The following RAD51B variants were observed in gnomAD, a reference collection of about 807,000 sequenced individuals.
The protein encoded by RAD51B is DNA repair protein RAD51 homolog 2.
A neutral mutation model predicts 42.2 loss-of-function variants in RAD51B; 38 were observed. The observed-to-expected ratio is 0.90, with a 90% confidence interval of 0.70 to 1.18. The LOEUF is 1.18. Ranked by LOEUF, RAD51B falls within the 50% of genes most tolerant of loss-of-function variation. The pLI is 0.00. For synonymous variants in RAD51B, 154 were observed against 145.2 expected, an observed-to-expected ratio of 1.06 and a Z score of -0.43; for missense variants, 373 against 400.7, an observed-to-expected ratio of 0.93 and a Z score of 0.59.
intron 7 of RAD51B, among the ~76,000 whole-genome samples, chr14:68,142,857 A>G (rs1299435649): frequency 6.6e-6 from 1 of 151,936 alleles, no homozygotes; most frequent in East Asian, 1.9e-4. Context: ...TTATATGCAA[A>G]TTATTGATGA....
At chr14:68,219,443 A>G (rs1442142493) in intron 7 of RAD51B, among the ~76,000 whole-genome samples, 2 of 151,978 alleles carry the variant, frequency 1.3e-5, no homozygotes, top group African/African-American at 4.8e-5. Flanking sequence ...AGTCCACTTC[A>G]CTCCCTGCTA....
chr14:68,279,760 G>T (rs568159787), intron 7 of RAD51B, among the ~76,000 whole-genome samples: 1 of 152,156 alleles, frequency 6.6e-6, no homozygotes, highest in African/African-American at 2.4e-5. Context: ...GGAAAAACAA[G>T]AAAATATTTC....
chr14:68,010,674 A>G (rs1400535862), intron 7 of RAD51B, among the ~76,000 whole-genome samples: 1 of 151,858 alleles, frequency 6.6e-6, no homozygotes, highest in Non-Finnish European at 1.5e-5. Flanking sequence ...AAATGTATAC[A>G]ACTGAGCTGT....
intron 8 of RAD51B, among the ~76,000 whole-genome samples, chr14:68,336,559 TG>T (rs2082459490): frequency 6.6e-6 from 1 of 152,220 alleles, no homozygotes; most frequent in African/African-American, 2.4e-5. Context: ...TGATGCGCTC[TG>T]ATCAATTACA....
chr14:68,465,999 C>CATTGA (rs2085978229), intron 9 of RAD51B, among the ~76,000 whole-genome samples: 1 of 149,502 alleles, frequency 6.7e-6, no homozygotes, highest in African/African-American at 2.5e-5. Flanking sequence ...AATAAATTCA[C>CATTGA]ATTGAACCAT....
intron 7 of RAD51B, among the ~76,000 whole-genome samples, chr14:68,103,640 A>T (rs962478584): frequency 1.3e-5 from 2 of 152,194 alleles, no homozygotes; most frequent in Admixed American, 6.5e-5. Flanking sequence ...TTAAAGTGTT[A>T]GTACAAATTG....
At chr14:68,328,447 C>G (rs538512782) in intron 8 of RAD51B, among the ~76,000 whole-genome samples, 1 of 152,232 alleles carries the variant, frequency 6.6e-6, no homozygotes, top group South Asian at 2.1e-4. Flanking sequence ...GTTCTTCAAG[C>G]CTTTAGTGAT....
Position 68,401,042 on chromosome 14 carries a change from G to A in RAD51B, c.854-10382G>A, listed in dbSNP as rs1421921898. On this transcript the variant is annotated intron_variant, in intron 8 of 10. Transcript: ENST00000471583. Reference sequence around the variant, plus strand: ...CTTTTTATTCAGACAATCTAGTTCTGTTCTTCTTATGCCTACTATTGTTTT... The same window carrying A: ...CTTTTTATTCAGACAATCTAGTTCTATTCTTCTTATGCCTACTATTGTTTT... 2.6e-5 allele frequency among the ~76,000 whole-genome samples: 4 copies of A among 152,272 alleles called. No individual in the cohort carries two copies. The East Asian group carries it at 7.7e-4, about 29-fold the overall frequency.
intron 7 of RAD51B, among the ~76,000 whole-genome samples, chr14:68,230,477 C>A (rs2080125800): frequency 6.6e-6 from 1 of 152,136 alleles, no homozygotes; most frequent in African/African-American, 2.4e-5. Context: ...GATTATAAGC[C>A]TACCTCTTAG....
chr14:68,663,514 GC>G (rs1892976541), intron 11 of RAD51B, among the ~76,000 whole-genome samples: 1 of 152,136 alleles, frequency 6.6e-6, no homozygotes, highest in African/African-American at 2.4e-5. Context: ...TCCCCCCGCT[GC>G]TAGCCCTGGA....
chr14:68,208,622 G>A (rs978730022), intron 7 of RAD51B, among the ~76,000 whole-genome samples: 1 of 152,198 alleles, frequency 6.6e-6, no homozygotes, highest in African/African-American at 2.4e-5. Flanking sequence ...GAGGATCTTT[G>A]AGGTTATCTG....
intron 10 of RAD51B, among the ~76,000 whole-genome samples, chr14:68,535,079 G>A (rs1267638648): frequency 1.3e-5 from 2 of 152,072 alleles, no homozygotes; most frequent in African/African-American, 4.8e-5. Flanking sequence ...CTCTAGCTCT[G>A]GTTTGGTTCT....
chr14:68,068,765 C>G (rs2076695106), intron 7 of RAD51B, among the ~76,000 whole-genome samples: 1 of 152,168 alleles, frequency 6.6e-6, no homozygotes, highest in African/African-American at 2.4e-5. Flanking sequence ...CCTCCACATA[C>G]ACACCAATAC....
intron 7 of RAD51B, among the ~76,000 whole-genome samples, chr14:68,283,690 C>T (rs1039962420): frequency 1.3e-5 from 2 of 152,194 alleles, no homozygotes; most frequent in Admixed American, 6.5e-5. Flanking sequence ...ATCTGAGATC[C>T]GGAACCAACA....
chr14:68,330,660 A>G (rs992079371), intron 8 of RAD51B, among the ~76,000 whole-genome samples: 5 of 152,258 alleles, frequency 3.3e-5, no homozygotes, highest in African/African-American at 1.2e-4. Context: ...GAAGAAGCAA[A>G]TATTGTATAT....
intron 8 of RAD51B, among the ~76,000 whole-genome samples, chr14:68,400,101 A>G (rs1297254065): frequency 6.6e-6 from 1 of 152,118 alleles, no homozygotes; most frequent in Admixed American, 6.5e-5. Context: ...TTCACAAGCT[A>G]AGGCCTGGGC....
At chr14:67,949,609 A>C (rs1174183134) in intron 7 of RAD51B, among the ~76,000 whole-genome samples, 1 of 152,142 alleles carries the variant, frequency 6.6e-6, no homozygotes, top group Admixed American at 6.5e-5. Context: ...TTGACCTCCT[A>C]CCATTAATCA....
rs551610370 is a variant in RAD51B at position 68,495,143 on chromosome 14, C to T, written c.1036+26893C>T. Among the ~76,000 whole-genome samples the T allele has an allele frequency of 2.6e-4, 39 of 152,342 alleles. No homozygotes were observed. In the South Asian group the frequency reaches 7.9e-3, roughly 31 times the overall value. ...GTCTACCAGGAACCATCCAGAGAGG[C>T]TGTCAGATGAATCAGCATCTGTTCA... On this transcript the variant is annotated intron_variant, in intron 10 of 10. Coordinates refer to the RAD51B transcript ENST00000487270.
At chr14:68,396,608 T>G (rs2083931061) in intron 8 of RAD51B, among the ~76,000 whole-genome samples, 1 of 152,230 alleles carries the variant, frequency 6.6e-6, no homozygotes, top group Admixed American at 6.5e-5. Context: ...TTTTGGCAAC[T>G]GGGATCACCT....
Sources: allele counts gnomAD v4.1 joint callset (sites outside exome capture counted in the v4.1 genomes callset), GRCh38; gene constraint gnomAD v4.1.1; transcripts MANE v1.5; gene names NCBI Gene and HGNC (gene_info 2026-07-23, HGNC 2026-07-21).